GALNT17: variants seen among roughly 807,000 people sequenced by gnomAD.
GALNT17 encodes the protein polypeptide N-acetylgalactosaminyltransferase 17, also known as UDP-GalNAc:polypeptide N-acetylgalactosaminyltransferase-like 3.
A neutral mutation model predicts 63.7 loss-of-function variants in GALNT17; 29 were observed. The ratio of observed to expected loss-of-function variants is 0.46; its 90% CI spans 0.34 to 0.62. GALNT17 has a LOEUF of 0.62. Among genes scored for constraint, GALNT17 ranks in the 20% least tolerant of loss-of-function variants. GALNT17 has a pLI of 0.01. For missense variants in GALNT17, 603 were observed against 799.6 expected (o/e 0.75, Z 2.97); for synonymous variants, 305 against 318.3 (o/e 0.96, Z 0.45).
At chr7:71,387,628 G>T (rs1039243877) in intron 2 of GALNT17, among the ~76,000 whole-genome samples, 3 of 152,098 alleles carry the variant, frequency 2.0e-5, no homozygotes, top group African/African-American at 7.2e-5. Flanking sequence ...ACCGTGTTCC[G>T]GGTGGTCCCT....
At chr7:71,290,302 A>G (rs145788647) in intron 1 of GALNT17, among the ~76,000 whole-genome samples, 168 of 152,316 alleles carry the variant, frequency 1.1e-3, no homozygotes, top group African/African-American at 3.9e-3. Flanking sequence ...ATGGGAAGAC[A>G]TCTTTCGCTT....
chr7:71,426,187 G>T (rs150467957), intron 5 of GALNT17, among the ~76,000 whole-genome samples: 11 of 152,156 alleles, frequency 7.2e-5, no homozygotes, highest in African/African-American at 2.4e-5. Context: ...GCCAAACCAC[G>T]TCAGTGGGGC....
intron 5 of GALNT17, among the ~76,000 whole-genome samples, chr7:71,473,843 G>C (rs777422941): frequency 6.6e-6 from 1 of 152,102 alleles, no homozygotes; most frequent in African/African-American, 2.4e-5. Flanking sequence ...AAAAGTTCAC[G>C]ATCCAGATCC....
rs141002925 is a variant in GALNT17 at position 71,167,958 on chromosome 7, C to T, written c.238+34918C>T. Reference sequence around the variant, plus strand: ...GTGATGGGATTTCAGGCGTGAGTCACCTCACCCGGCTTCCTTTTATAAGTG... The same window carrying T: ...GTGATGGGATTTCAGGCGTGAGTCATCTCACCCGGCTTCCTTTTATAAGTG... On this transcript the variant is annotated intron_variant, in intron 1 of 10. Coordinates refer to ENST00000333538, the MANE Select transcript of GALNT17 (RefSeq NM_022479.3). Among the ~76,000 whole-genome samples the T allele has an allele frequency of 8.8e-3, 1,344 of 152,324 alleles. 17 individuals are homozygous for T. The highest frequency in any genetic ancestry group is 0.056 in the South Asian group (271 of 4,828).
intron 1 of GALNT17, chr7:71,300,845 C>T (rs540907144): frequency 6.5e-6 from 1 of 154,372 alleles, no homozygotes; most frequent in African/African-American, 2.4e-5. Flanking sequence ...CCTCTCTCCC[C>T]TCTCTGGCCG....
At chr7:71,321,943 C>CCCTTCCTTCCTT (rs150369774) in intron 1 of GALNT17, among the ~76,000 whole-genome samples, 1 of 47,636 alleles carries the variant, frequency 2.1e-5, no homozygotes, top group Non-Finnish European at 4.1e-5. Flanking sequence ...CTCCCTCCCT[C>CCCTTCCTTCCTT]CCTTCCTTCC....
At chr7:71,356,136 C>T (rs1202927986) in intron 2 of GALNT17, among the ~76,000 whole-genome samples, 1 of 152,118 alleles carries the variant, frequency 6.6e-6, no homozygotes. Context: ...ACCACCACAT[C>T]AGGCTACTTT....
chr7:71,254,182 A>G (rs1188729651), intron 1 of GALNT17, among the ~76,000 whole-genome samples: 3 of 152,186 alleles, frequency 2.0e-5, no homozygotes, highest in African/African-American at 7.2e-5. Context: ...GAAAGAGTTA[A>G]GTTATTATCT....
At chr7:71,562,017 G>A (rs1157399603) in intron 5 of GALNT17, among the ~76,000 whole-genome samples, 1 of 151,786 alleles carries the variant, frequency 6.6e-6, no homozygotes, top group Non-Finnish European at 1.5e-5. Flanking sequence ...GTGCAGTGGT[G>A]CGATCATAGC....
intron 5 of GALNT17, among the ~76,000 whole-genome samples, chr7:71,449,632 T>C (rs1787222945): frequency 6.6e-6 from 1 of 152,218 alleles, no homozygotes; most frequent in South Asian, 2.1e-4. Flanking sequence ...ATTTTCTGTC[T>C]AATTTACTCT....
At chr7:71,200,453 C>T (rs947305822) in intron 1 of GALNT17, among the ~76,000 whole-genome samples, 1 of 152,078 alleles carries the variant, frequency 6.6e-6, no homozygotes, top group East Asian at 1.9e-4. Context: ...GACTGCATGT[C>T]CACTGGTGTA....
intron 1 of GALNT17, among the ~76,000 whole-genome samples, chr7:71,173,792 A>AATAT (rs1255202713): frequency 7.4e-6 from 1 of 134,786 alleles, no homozygotes; most frequent in East Asian, 2.0e-4. Flanking sequence ...TAAATAAATA[A>AATAT]ATAATAAATA....
At chr7:71,663,782 A>C (rs1210106845) in intron 6 of GALNT17, among the ~76,000 whole-genome samples, 1 of 152,164 alleles carries the variant, frequency 6.6e-6, no homozygotes, top group Non-Finnish European at 1.5e-5. Context: ...GTATGTAGAC[A>C]CTCAAGAGTG....
chr7:71,579,455 T>C (rs1789597929), intron 6 of GALNT17, among the ~76,000 whole-genome samples: 2 of 152,172 alleles, frequency 1.3e-5, no homozygotes. Flanking sequence ...AGCACTGTGA[T>C]GAGTGTGAAA....
At chr7:71,218,994 C>G (rs1438329750) in intron 1 of GALNT17, among the ~76,000 whole-genome samples, 1 of 152,088 alleles carries the variant, frequency 6.6e-6, no homozygotes, top group Admixed American at 6.6e-5. Context: ...AGTCTGTGGA[C>G]AAATTATCTT....
At chr7:71,215,162 AAC>A (rs1385238456) in intron 1 of GALNT17, among the ~76,000 whole-genome samples, 2 of 152,202 alleles carry the variant, frequency 1.3e-5, no homozygotes, top group Non-Finnish European at 1.5e-5. Flanking sequence ...TTCTCTGCAT[AAC>A]ACTGTTTGAA....
intron 1 of GALNT17, among the ~76,000 whole-genome samples, chr7:71,257,479 GA>G (rs1188323493): frequency 1.3e-5 from 2 of 152,110 alleles, no homozygotes; most frequent in Non-Finnish European, 2.9e-5. Flanking sequence ...ATCAAAGGGG[GA>G]AAAAGTAGAA....
chr7:71,225,162 T>G (rs1789658477), intron 1 of GALNT17, among the ~76,000 whole-genome samples: 1 of 152,016 alleles, frequency 6.6e-6, no homozygotes, highest in African/African-American at 2.4e-5. Flanking sequence ...AGAGATGGGG[T>G]TTCGCCATGT....
At chr7:71,443,033 G>A (rs190270250) in intron 5 of GALNT17, among the ~76,000 whole-genome samples, 1 of 152,120 alleles carries the variant, frequency 6.6e-6, no homozygotes, top group Non-Finnish European at 1.5e-5. Flanking sequence ...TTTCTGTGGC[G>A]GCTGCAGGAG....
Sources: allele counts gnomAD v4.1 joint callset (sites outside exome capture counted in the v4.1 genomes callset), GRCh38; gene constraint gnomAD v4.1.1; transcripts MANE v1.5; gene names NCBI Gene and HGNC (gene_info 2026-07-23, HGNC 2026-07-21).